Variants in ROBO1 observed in about 807,000 individuals in gnomAD.
ROBO1 encodes roundabout guidance receptor 1.
ROBO1 carries 149 observed loss-of-function variants against 195.9 expected under a neutral mutation model. The observed-to-expected ratio is 0.76, with a 90% CI of 0.67 to 0.87. ROBO1 has a LOEUF of 0.87. ROBO1 is among the 40% of genes least tolerant of loss of function. The pLI, the probability that ROBO1 is intolerant of heterozygous loss-of-function variation, is 0.00. For missense variants in ROBO1, 1,933 were observed against 2,068.3 expected, an observed-to-expected ratio of 0.93 and a Z score of 1.27; for synonymous variants, 816 against 733.2, an observed-to-expected ratio of 1.11 and a Z score of -1.82.
intron 2 of ROBO1, among the ~76,000 whole-genome samples, chr3:79,155,345 A>C (rs1315061733): frequency 6.6e-6 from 1 of 151,778 alleles, no homozygotes; most frequent in East Asian, 1.9e-4. Flanking sequence ...CTTGTATTGA[A>C]TTGTATTTAC....
At chr3:79,035,208 C>A (rs992612448) in intron 3 of ROBO1, among the ~76,000 whole-genome samples, 2 of 151,842 alleles carry the variant, frequency 1.3e-5, no homozygotes, top group Non-Finnish European at 2.9e-5. Context: ...AAGCTCTTTT[C>A]AACTTTTAAG....
chr3:78,711,344 CTTCCTCCTTCCTTCCTTCCT>C (rs1344068998), intron 8 of ROBO1, among the ~76,000 whole-genome samples: 13 of 84,156 alleles, frequency 1.5e-4, no homozygotes, highest in African/African-American at 6.3e-4. Flanking sequence ...TCCTTCCTTC[CTTCCTCCTTCCTTCCTTCCT>C]TCCTTCCTTC....
intron 2 of ROBO1, among the ~76,000 whole-genome samples, chr3:79,204,125 T>G (rs573127559): frequency 6.6e-6 from 1 of 152,274 alleles, no homozygotes; most frequent in Non-Finnish European, 1.5e-5. Flanking sequence ...GAGGTAGATA[T>G]GATATTTTGA....
At chr3:79,324,282 T>C (rs1029456352) in intron 2 of ROBO1, among the ~76,000 whole-genome samples, 2 of 152,186 alleles carry the variant, frequency 1.3e-5, no homozygotes, top group East Asian at 3.9e-4. Context: ...AAATTTATTT[T>C]GCACCTGCTA....
chr3:79,404,253 G>T (rs1395127228), intron 2 of ROBO1, among the ~76,000 whole-genome samples: 2 of 152,022 alleles, frequency 1.3e-5, no homozygotes, highest in African/African-American at 4.8e-5. Context: ...GATCAACAAA[G>T]TTACACTGGA....
intron 18 of ROBO1, among the ~76,000 whole-genome samples, chr3:78,654,406 A>C (rs1171770355): frequency 6.6e-6 from 1 of 152,210 alleles, no homozygotes; most frequent in Non-Finnish European, 1.5e-5. Flanking sequence ...GTTTTATTTC[A>C]TGTTCCAGAC....
intron 1 of ROBO1, among the ~76,000 whole-genome samples, chr3:79,658,446 A>C (rs1052635583): frequency 6.6e-6 from 1 of 152,054 alleles, no homozygotes; most frequent in African/African-American, 2.4e-5. Flanking sequence ...AGTAGTACTA[A>C]TTTGTACTTC....
intron 5 of ROBO1, among the ~76,000 whole-genome samples, chr3:78,734,611 GGA>G (rs759890729): frequency 3.4e-4 from 43 of 127,368 alleles, no homozygotes; most frequent in East Asian, 7.0e-4. Context: ...TCCATTTGGG[GGA>G]AAAAAAAAAA....
At position 79,532,076 on chromosome 3, in the gene ROBO1, G is replaced by T. The variant is rs144396234; in HGVS notation, c.88+57748C>A. On this transcript the variant is annotated intron_variant, in intron 2 of 30. Transcript: ENST00000464233. The stretch of plus-strand genomic sequence containing the variant: ...AAGGTAAATGGTATGTAAAGAGCAG[G>T]TCTGACCAGAGCAAAGGTAAGGCGA... 4.0e-3 allele frequency among the ~76,000 whole-genome samples: 606 copies of T among 152,294 alleles called. 5 individuals are homozygous for T. The highest frequency in any genetic ancestry group is 0.014 in the African/African-American group (567 of 41,558).
intron 2 of ROBO1, among the ~76,000 whole-genome samples, chr3:79,213,834 T>C (rs2082007394): frequency 6.8e-6 from 1 of 146,210 alleles, no homozygotes; most frequent in Non-Finnish European, 1.5e-5. Context: ...TTTTTTTTTT[T>C]TTTTTGTGAG....
rs1378145836 is a variant in ROBO1, at chr3:78,661,258, C to A, written c.2092G>T (p.Asp698Tyr). 2.0e-6 allele frequency: 3 copies of A among 1,518,142 alleles called. No individual in the cohort carries two copies. Among genetic ancestry groups the A allele is most frequent in the Admixed American group, 4.0e-5 (2 of 50,094 alleles). 94.0% of individuals were successfully genotyped at this position (1,518,142 alleles called of 1,614,324 possible). A position where few individuals can be genotyped will look rare whatever the true frequency, so the allele number is the denominator to read the frequency against. Residue 698 changes from aspartate to tyrosine, a missense_variant, in exon 16 of 31, where the codon GAT becomes TAT. By Grantham distance (160) the Asp-to-Tyr change is radical. Transcript: ENST00000464233. Reference protein sequence around the residue: ...SSSIEVHWTVDQQSQYIQGYK... With the variant: ...SSSIEVHWTVYQQSQYIQGYK... The stretch of plus-strand genomic sequence containing the variant: ...CCTTGTATATACTGAGACTGTTGAT[C>A]TACCTATTAAAAAGACAAGTAAAAT...
At chr3:79,489,073 TA>T (rs1939309897) in intron 2 of ROBO1, among the ~76,000 whole-genome samples, 3 of 151,224 alleles carry the variant, frequency 2.0e-5, no homozygotes, top group African/African-American at 7.3e-5. Flanking sequence ...TATTAGTGAA[TA>T]AAAAATTAAA....
chr3:79,720,792 A>ATTTTT (rs36105372), intron 1 of ROBO1, among the ~76,000 whole-genome samples: 5 of 142,978 alleles, frequency 3.5e-5, no homozygotes, highest in Non-Finnish European at 3.0e-5. Context: ...GGAGTTGCTA[A>ATTTTT]TTTTTTTTTT....
intron 1 of ROBO1, among the ~76,000 whole-genome samples, chr3:79,666,091 C>T (rs1263866831): frequency 6.6e-6 from 1 of 151,396 alleles, no homozygotes; most frequent in Non-Finnish European, 1.5e-5. Flanking sequence ...TAAAAGTGAC[C>T]CAATTTCATA....
intron 2 of ROBO1, among the ~76,000 whole-genome samples, chr3:79,129,894 C>T (rs896743636): frequency 7.6e-5 from 11 of 144,662 alleles, no homozygotes; most frequent in African/African-American, 2.8e-4. Context: ...CAGCTTTCTA[C>T]ATATGGCTAG....
chr3:79,510,420 A>G (rs934724884), intron 2 of ROBO1, among the ~76,000 whole-genome samples: 1 of 152,192 alleles, frequency 6.6e-6, no homozygotes, highest in Non-Finnish European at 1.5e-5. Flanking sequence ...TGTTCTTTGT[A>G]AATTCCCCAT....
At position 79,733,708 on chromosome 3, in the gene ROBO1, A is replaced by T. The variant is rs913211476; in HGVS notation, c.-51+34044T>A. On this transcript the variant is annotated intron_variant, in intron 1 of 30. Transcript: ENST00000464233. ...TGACTAATCACAATCATGGTATAGG[A>T]GTATTTTTGCTGTACTATCATATTC... Among the ~76,000 whole-genome samples the T allele has an allele frequency of 2.0e-5, 3 of 152,084 alleles. No individual in the cohort carries two copies. In the East Asian group the frequency reaches 5.8e-4, roughly 29 times the overall value.
chr3:79,016,547 T>G (rs2108245859), intron 3 of ROBO1, among the ~76,000 whole-genome samples: 1 of 152,300 alleles, frequency 6.6e-6, no homozygotes, highest in East Asian at 1.9e-4. Context: ...CTCAAATTAT[T>G]AAATCTAATA....
intron 2 of ROBO1, among the ~76,000 whole-genome samples, chr3:79,281,838 G>T (rs1230333932): frequency 6.6e-6 from 1 of 152,128 alleles, no homozygotes; most frequent in African/African-American, 2.4e-5. Flanking sequence ...GATGCTTAAA[G>T]TAATATGGCT....
Sources: gnomAD v4.1 joint callset for allele counts (sites outside exome capture counted in the v4.1 genomes callset) on GRCh38, gnomAD v4.1.1 for gene constraint, MANE v1.5 for transcripts, NCBI Gene and HGNC (gene_info 2026-07-23, HGNC 2026-07-21) for gene names.